Variants in ANKS1B observed in about 807,000 individuals in gnomAD.
ANKS1B encodes the protein ankyrin repeat and sterile alpha motif domain-containing protein 1B.
ANKS1B carries 36 observed loss-of-function variants against 148.3 expected under a neutral mutation model. That is an observed-to-expected ratio of 0.24 (90% CI 0.19 to 0.32). ANKS1B has a LOEUF of 0.32. ANKS1B is among the 10% of genes least tolerant of loss of function. The probability of loss-of-function intolerance (pLI) is 1.00; values close to 1 mark genes in which losing one functional copy is unlikely to be tolerated. For missense variants in ANKS1B, 1,157 were observed against 1,542.6 expected (o/e 0.75, Z 4.19); for synonymous variants, 542 against 560.8 (o/e 0.97, Z 0.47).
intron 1 of ANKS1B, among the ~76,000 whole-genome samples, chr12:99,845,411 G>C (rs7968838): frequency 0.14 from 22,001 of 152,072 alleles, 1,965 homozygotes; most frequent in Non-Finnish European, 0.2. Flanking sequence ...TCAATACCTA[G>C]TTTACTGAGA....
intron 4 of ANKS1B, among the ~76,000 whole-genome samples, chr12:99,805,263 C>CAAAAAAAGA (rs2067459177): frequency 3.5e-5 from 1 of 28,908 alleles, no homozygotes. Flanking sequence ...GAGGAAAAGG[C>CAAAAAAAGA]AAAAAAAAAA....
At position 99,028,149 on chromosome 12, in the gene ANKS1B, T is replaced by C. The variant is rs543490497; in HGVS notation, c.2778+25008A>G. 1.2e-4 allele frequency among the ~76,000 whole-genome samples: 19 copies of C among 152,338 alleles called. No homozygotes were observed. The East Asian group carries it at 3.5e-3, about 28-fold the overall frequency. On this transcript the variant is annotated intron_variant, in intron 17 of 26. Coordinates refer to ENST00000683438, the MANE Select transcript of ANKS1B (RefSeq NM_001352186.2). Reference sequence around the variant, plus strand: ...AATTAAATATTTTTTAAAAAATTAATACATGGAAAGCAATCAGAAGAATGA... The same window carrying C: ...AATTAAATATTTTTTAAAAAATTAACACATGGAAAGCAATCAGAAGAATGA...
At chr12:99,784,559 T>C (rs1171710644) in intron 4 of ANKS1B, among the ~76,000 whole-genome samples, 3 of 152,200 alleles carry the variant, frequency 2.0e-5, no homozygotes, top group African/African-American at 7.2e-5. Context: ...ATCTAACTCC[T>C]AGCACTCTTA....
At chr12:99,954,631 T>C (rs892108394) in intron 1 of ANKS1B, among the ~76,000 whole-genome samples, 2 of 152,122 alleles carry the variant, frequency 1.3e-5, no homozygotes, top group Non-Finnish European at 1.5e-5. Flanking sequence ...ACCCTTTCCT[T>C]AGCTAACAGC....
intron 1 of ANKS1B, among the ~76,000 whole-genome samples, chr12:99,970,300 C>T (rs1444353036): frequency 6.6e-6 from 1 of 151,834 alleles, no homozygotes; most frequent in East Asian, 1.9e-4. Flanking sequence ...TACGATGATG[C>T]CATTAAAAAT....
chr12:99,134,643 TCTCACACACACACACA>T (rs1485712236), intron 15 of ANKS1B, among the ~76,000 whole-genome samples: 83 of 83,156 alleles, frequency 1.0e-3, no homozygotes, highest in Middle Eastern at 5.7e-3. Context: ...TCTCTCTCTC[TCTCACACACACACACA>T]CACACACACA....
chr12:99,327,962 C>T (rs1195737315), intron 12 of ANKS1B, among the ~76,000 whole-genome samples: 1 of 151,768 alleles, frequency 6.6e-6, no homozygotes, highest in Non-Finnish European at 1.5e-5. Context: ...TGAGGCTCCT[C>T]CTGATACTCT....
At chr12:99,956,804 T>C (rs1358240778) in intron 1 of ANKS1B, among the ~76,000 whole-genome samples, 1 of 152,220 alleles carries the variant, frequency 6.6e-6, no homozygotes, top group African/African-American at 2.4e-5. Context: ...TTCATAACTA[T>C]ATTATGTTCA....
chr12:99,596,904 T>C (rs1052046399), intron 9 of ANKS1B, among the ~76,000 whole-genome samples: 1 of 151,938 alleles, frequency 6.6e-6, no homozygotes, highest in African/African-American at 2.4e-5. Context: ...CAGGAGAGGA[T>C]ACTGATGAGC....
chr12:98,816,295 T>G (rs1234276278), intron 19 of ANKS1B, among the ~76,000 whole-genome samples: 3 of 152,172 alleles, frequency 2.0e-5, no homozygotes, highest in Non-Finnish European at 4.4e-5. Flanking sequence ...AAATTATTTA[T>G]TTATTTATTT....
intron 1 of ANKS1B, among the ~76,000 whole-genome samples, chr12:99,859,924 A>G (rs1313461339): frequency 1.3e-5 from 2 of 152,234 alleles, no homozygotes; most frequent in African/African-American, 2.4e-5. Flanking sequence ...CTGGGATTAC[A>G]GGCATGGGCC....
intron 12 of ANKS1B, among the ~76,000 whole-genome samples, chr12:99,322,046 A>T (rs1284171528): frequency 1.3e-5 from 2 of 152,172 alleles, no homozygotes; most frequent in Non-Finnish European, 2.9e-5. Context: ...TACTATAAAG[A>T]CAAATGCACA....
chr12:98,924,224 T>C (rs1317748031), intron 17 of ANKS1B, among the ~76,000 whole-genome samples: 2 of 152,232 alleles, frequency 1.3e-5, no homozygotes, highest in African/African-American at 2.4e-5. Context: ...TGCAACATCA[T>C]TGCAAGATTA....
At chr12:99,933,219 G>C (rs1212113616) in intron 1 of ANKS1B, among the ~76,000 whole-genome samples, 1 of 152,046 alleles carries the variant, frequency 6.6e-6, no homozygotes, top group Non-Finnish European at 1.5e-5. Flanking sequence ...TGTTCATTTT[G>C]CTTGGGATGG....
intron 15 of ANKS1B, among the ~76,000 whole-genome samples, chr12:99,121,318 G>GGTGTGTGTGT (rs1555269938): frequency 9.4e-6 from 1 of 105,926 alleles, no homozygotes; most frequent in Non-Finnish European, 1.9e-5. Flanking sequence ...TGTGTATGTA[G>GGTGTGTGTGT]GTATGTGTGT....
chr12:99,958,893 A>T (rs1227411653), intron 1 of ANKS1B, among the ~76,000 whole-genome samples: 1 of 152,144 alleles, frequency 6.6e-6, no homozygotes, highest in Non-Finnish European at 1.5e-5. Context: ...AACTCTGGGT[A>T]CAGATAATTA....
chr12:99,328,428 G>A (rs544795543), intron 12 of ANKS1B, among the ~76,000 whole-genome samples: 1 of 152,074 alleles, frequency 6.6e-6, no homozygotes, highest in African/African-American at 2.4e-5. Context: ...AAGAATTAGT[G>A]GCAAGACTGC....
intron 9 of ANKS1B, among the ~76,000 whole-genome samples, chr12:99,610,047 A>G (rs1039669441): frequency 2.6e-5 from 4 of 152,032 alleles, no homozygotes; most frequent in Non-Finnish European, 5.9e-5. Flanking sequence ...AAGCGCAGAA[A>G]AGGTATGACA....
intron 17 of ANKS1B, among the ~76,000 whole-genome samples, chr12:99,046,172 C>T (rs2099962198): frequency 6.6e-6 from 1 of 151,944 alleles, no homozygotes; most frequent in Non-Finnish European, 1.5e-5. Flanking sequence ...CTAAACAATA[C>T]TCTGCCTTGC....
Sources: gnomAD v4.1 joint callset for allele counts (sites outside exome capture counted in the v4.1 genomes callset) on GRCh38, gnomAD v4.1.1 for gene constraint, MANE v1.5 for transcripts, NCBI Gene and HGNC (gene_info 2026-07-23, HGNC 2026-07-21) for gene names.